STXBP5: variants seen among roughly 807,000 people sequenced by gnomAD.
STXBP5 encodes the protein syntaxin binding protein 5.
In STXBP5, 50 loss-of-function variants were observed where a neutral mutation model predicts 152.4. The observed-to-expected ratio is 0.33, with a 90% confidence interval of 0.26 to 0.42. The LOEUF is 0.42. STXBP5 is among the 10% of genes least tolerant of loss of function. The pLI is 1.00. For missense variants in STXBP5, 1,167 were observed against 1,388.6 expected (o/e 0.84, Z 2.54); for synonymous variants, 492 against 494.7 (o/e 0.99, Z 0.07).
chr6:147,296,859 G>A (rs561229925), intron 9 of STXBP5, among the ~76,000 whole-genome samples: 28 of 152,100 alleles, frequency 1.8e-4, no homozygotes, highest in African/African-American at 6.5e-4. Flanking sequence ...ACTACATCAA[G>A]CAAAAGAAAG....
intron 23 of STXBP5, among the ~76,000 whole-genome samples, chr6:147,361,943 A>AT (rs1785084551): frequency 6.6e-6 from 1 of 152,232 alleles, no homozygotes; most frequent in African/African-American, 2.4e-5. Flanking sequence ...AAGCTGCTTA[A>AT]AATAGTGAAA....
chr6:147,383,056 T>TTACTTTATTTTTATAGC, intron 27 of STXBP5, 58 bp downstream of exon 27: 1 of 1,558,080 alleles, frequency 6.4e-7, no homozygotes, highest in Non-Finnish European at 8.8e-7. Flanking sequence ...AGTGTGAATG[T>TTACTTTATTTTTATAGC]TACTTTATTT....
intron 19 of STXBP5, among the ~76,000 whole-genome samples, chr6:147,335,640 G>T (rs1783785185): frequency 6.6e-6 from 1 of 151,990 alleles, no homozygotes; most frequent in Admixed American, 6.6e-5. Flanking sequence ...CTAAGTATAT[G>T]AATATAAAAA....
intron 7 of STXBP5, among the ~76,000 whole-genome samples, chr6:147,268,573 C>T (rs1363880704): frequency 6.6e-6 from 1 of 152,180 alleles, no homozygotes; most frequent in African/African-American, 2.4e-5. Context: ...GCTCACTAGT[C>T]AGGATCTTCA....
chr6:147,243,260 AG>A, intron 4 of STXBP5, among the ~76,000 whole-genome samples: 1 of 152,310 alleles, frequency 6.6e-6, no homozygotes, highest in Non-Finnish European at 1.5e-5. Context: ...TGGTATTGCC[AG>A]TTAATGGACG....
chr6:147,211,588 T>TTTTG (rs1314517546), intron 2 of STXBP5, among the ~76,000 whole-genome samples: 2 of 152,148 alleles, frequency 1.3e-5, no homozygotes, highest in Middle Eastern at 6.8e-3. Flanking sequence ...AGCCAGTGTG[T>TTTTG]TTTGTTTGTT....
intron 4 of STXBP5, among the ~76,000 whole-genome samples, chr6:147,255,437 G>A: frequency 6.6e-6 from 1 of 152,192 alleles, no homozygotes; most frequent in Admixed American, 6.5e-5. Flanking sequence ...ACATTGCTGG[G>A]TGGGTAGTCA....
At position 147,353,321 on chromosome 6, in the gene STXBP5, A is replaced by G; in HGVS notation, c.2255-2A>G. ...ATTTTAAAAATGTCTTTTATTTTTC[A>G]GCAAAGATGTCAAGGAAGTTAAGCT... On this transcript the variant is annotated splice_acceptor_variant, in intron 21 of 27. Coordinates refer to ENST00000321680, the MANE Select transcript of STXBP5 (RefSeq NM_001127715.4). LOFTEE classifies it high-confidence loss of function. 6.3e-7 allele frequency: 1 copy of G among 1,576,296 alleles called. No individual in the cohort carries two copies. Among genetic ancestry groups the G allele is most frequent in the Non-Finnish European group, 8.6e-7 (1 of 1,159,768 alleles).
At chr6:147,281,483 G>C (rs73013881) in intron 8 of STXBP5, among the ~76,000 whole-genome samples, 1,555 of 152,306 alleles carry the variant, frequency 0.01, 16 homozygotes, top group Non-Finnish European at 0.016. Context: ...TGTTTCGATG[G>C]ATTGAAATTT....
At chr6:147,267,592 T>TC (rs1779955420) in intron 7 of STXBP5, among the ~76,000 whole-genome samples, 1 of 152,144 alleles carries the variant, frequency 6.6e-6, no homozygotes, top group Non-Finnish European at 1.5e-5. Context: ...ACCTTACCTC[T>TC]CCTTTTTTGG....
intron 4 of STXBP5, among the ~76,000 whole-genome samples, chr6:147,256,702 A>G (rs1407846748): frequency 6.6e-6 from 1 of 152,172 alleles, no homozygotes; most frequent in African/African-American, 2.4e-5. Context: ...GGCCGTAAGG[A>G]TGGAGAGGGA....
chr6:147,268,929 G>A (rs1780021843), intron 7 of STXBP5, among the ~76,000 whole-genome samples: 2 of 152,168 alleles, frequency 1.3e-5, no homozygotes, highest in Non-Finnish European at 2.9e-5. Flanking sequence ...CTTGGAACAT[G>A]AAGAGGGAAC....
chr6:147,296,152 C>T (rs1047874268), intron 9 of STXBP5, among the ~76,000 whole-genome samples: 1 of 152,072 alleles, frequency 6.6e-6, no homozygotes, highest in Admixed American at 6.6e-5. Flanking sequence ...GGAAAAACAG[C>T]CCAGCAGACC....
At chr6:147,225,283 T>C (rs1423758335) in intron 2 of STXBP5, among the ~76,000 whole-genome samples, 1 of 152,180 alleles carries the variant, frequency 6.6e-6, no homozygotes, top group Non-Finnish European at 1.5e-5. Context: ...TAACTTATTG[T>C]CATTTCTAAA....
intron 19 of STXBP5, among the ~76,000 whole-genome samples, 154 bp from the exon 20 acceptor site, chr6:147,339,025 G>T (rs1172367649): frequency 1.3e-5 from 2 of 151,752 alleles, no homozygotes; most frequent in African/African-American, 4.8e-5. Flanking sequence ...TATAAGAACT[G>T]TTATTTACTT....
intron 9 of STXBP5, among the ~76,000 whole-genome samples, chr6:147,295,370 T>G (rs1323584057): frequency 6.6e-6 from 1 of 152,174 alleles, no homozygotes; most frequent in Non-Finnish European, 1.5e-5. Context: ...AGCATCTCTT[T>G]ATTATGGAAC....
chr6:147,265,568 A>C (rs1357130604), intron 6 of STXBP5, among the ~76,000 whole-genome samples: 2 of 152,056 alleles, frequency 1.3e-5, no homozygotes, highest in Non-Finnish European at 2.9e-5. Flanking sequence ...TAGACTTAAA[A>C]TATTAGTAGA....
chr6:147,309,549 A>T (rs1782262987), intron 9 of STXBP5, among the ~76,000 whole-genome samples: 1 of 152,170 alleles, frequency 6.6e-6, no homozygotes, highest in Non-Finnish European at 1.5e-5. Context: ...AAATGTGTGT[A>T]TGGGAGCTAT....
In STXBP5 at chr6:147,379,106, G is replaced by T. The variant is rs555701414; in HGVS notation, c.3194-3672G>T. On this transcript the variant is annotated intron_variant, in intron 26 of 27. Coordinates refer to ENST00000321680, the MANE Select transcript of STXBP5 (RefSeq NM_001127715.4). Reference sequence around the variant, plus strand: ...AAGCCACATCTGTCTGCCCACAGCTGGAAAAAAAAAAAACTCTTTGCTTTT... The same window carrying T: ...AAGCCACATCTGTCTGCCCACAGCTTGAAAAAAAAAAAACTCTTTGCTTTT... Among the ~76,000 whole-genome samples, 9 of 80,378 alleles carry T rather than the reference G, an allele frequency of 1.1e-4. No homozygotes were observed. The South Asian group carries it at 3.1e-3, about 28-fold the overall frequency. The allele number at this position is 80,378 out of a possible 152,430, so 52.7% of individuals were successfully genotyped here.
Sources: gnomAD v4.1 joint callset for allele counts (sites outside exome capture counted in the v4.1 genomes callset) on GRCh38, gnomAD v4.1.1 for gene constraint, MANE v1.5 for transcripts, NCBI Gene and HGNC (gene_info 2026-07-23, HGNC 2026-07-21) for gene names.